The following UBE2V2 variants were observed in gnomAD, a reference collection of about 807,000 sequenced individuals.
UBE2V2 encodes ubiquitin conjugating enzyme E2 V2, also known as ubiquitin-conjugating enzyme E2 variant 2.
In UBE2V2, 9 loss-of-function variants were observed where a neutral mutation model predicts 17.2. That is an observed-to-expected ratio of 0.52 (90% CI 0.32 to 0.91). The LOEUF (loss-of-function observed/expected upper bound fraction) is 0.91, where lower values mean the gene tolerates loss of function less well. UBE2V2 is among the 40% of genes least tolerant of loss of function. The pLI is 0.04. For missense variants in UBE2V2, 133 were observed against 182.6 expected (o/e 0.73, Z 1.56); for synonymous variants, 61 against 57.5 (o/e 1.06, Z -0.28).
chr8:48,026,826 G>A (rs1039408593), intron 1 of UBE2V2, among the ~76,000 whole-genome samples: 1 of 152,074 alleles, frequency 6.6e-6, no homozygotes, highest in Admixed American at 6.6e-5. Context: ...TCATGTTGGT[G>A]GTGTTTTCCA....
chr8:48,029,965 TA>T (rs988548061), intron 1 of UBE2V2, among the ~76,000 whole-genome samples: 1 of 152,164 alleles, frequency 6.6e-6, no homozygotes, highest in African/African-American at 2.4e-5. Flanking sequence ...ACTTAGAAAT[TA>T]AAACTAGAGA....
chr8:48,020,897 C>T (rs1228970264), intron 1 of UBE2V2, among the ~76,000 whole-genome samples: 1 of 151,720 alleles, frequency 6.6e-6, no homozygotes, highest in Non-Finnish European at 1.5e-5. Context: ...GCCACGATGC[C>T]CAGCTAATTT....
rs1314735643 is a variant in UBE2V2 at position 48,062,175 on chromosome 8, G to GT, written c.*1347_*1348insT. ...TTTGATGAATTCACTGAAGAATATA[G>GT]AAAGGTGGTCAGGTAAAGTCTACTT... On this transcript the variant is annotated 3_prime_UTR_variant, in exon 4 of 4. Coordinates refer to ENST00000523111, the MANE Select transcript of UBE2V2 (RefSeq NM_003350.3). The GT allele has an allele frequency of 2.0e-5, 3 of 152,206 alleles. No homozygotes were observed. Among genetic ancestry groups the GT allele is most frequent in the Non-Finnish European group, 4.4e-5 (3 of 68,036 alleles). 9.4% of individuals were successfully genotyped at this position (152,206 alleles called of 1,614,324 possible).
chr8:48,059,478 G>A lies in UBE2V2; in HGVS notation c.292-1204G>A, dbSNP rs62542300. Among the ~76,000 whole-genome samples, 1,347 of 151,690 alleles carry A rather than the reference G, an allele frequency of 8.9e-3. 11 individuals are homozygous for A. Among genetic ancestry groups the A allele is most frequent in the Non-Finnish European group, 0.015 (1,018 of 67,882 alleles). On this transcript the variant is annotated intron_variant, in intron 3 of 3. Transcript: ENST00000523111. ...GGCTGGAGTGCAATGGCGTGGTCTC[G>A]GCTCACTGCAGCCTCCACCTCCCAG... is the stretch of plus-strand genomic sequence containing the variant.
intron 2 of UBE2V2, among the ~76,000 whole-genome samples, chr8:48,043,791 C>G (rs2091480106): frequency 6.6e-6 from 1 of 152,186 alleles, no homozygotes; most frequent in Admixed American, 6.5e-5. Flanking sequence ...TCAGCTTCTT[C>G]ATCTATAAAA....
chr8:48,027,635 G>A (rs948852068), intron 1 of UBE2V2, among the ~76,000 whole-genome samples: 10 of 152,080 alleles, frequency 6.6e-5, no homozygotes, highest in Admixed American at 3.9e-4. Context: ...GAGTAGCTGG[G>A]ACTGCAGGCA....
intron 2 of UBE2V2, among the ~76,000 whole-genome samples, chr8:48,044,752 G>A (rs1401876315): frequency 6.6e-6 from 1 of 152,076 alleles, no homozygotes; most frequent in Non-Finnish European, 1.5e-5. Flanking sequence ...TAAAAAAAGC[G>A]CTTATAATTG....
chr8:48,040,851 T>TG (rs1292328451), intron 1 of UBE2V2, among the ~76,000 whole-genome samples: 1 of 132,860 alleles, frequency 7.5e-6, no homozygotes, highest in East Asian at 2.2e-4. Flanking sequence ...TGGGTTTTTT[T>TG]TTTTTTTTTT....
intron 2 of UBE2V2, among the ~76,000 whole-genome samples, chr8:48,047,648 C>T (rs1440729696): frequency 6.6e-6 from 1 of 151,956 alleles, no homozygotes; most frequent in Non-Finnish European, 1.5e-5. Context: ...GTTGCCACCT[C>T]CCGAGTTCAG....
At chr8:48,017,586 T>C (rs193010976) in intron 1 of UBE2V2, among the ~76,000 whole-genome samples, 6 of 152,202 alleles carry the variant, frequency 3.9e-5, no homozygotes, top group Non-Finnish European at 8.8e-5. Flanking sequence ...TTGGTCAGGC[T>C]GGTAATAAAC....
chr8:48,028,564 C>T (rs1383328594), intron 1 of UBE2V2, among the ~76,000 whole-genome samples: 6 of 152,106 alleles, frequency 3.9e-5, no homozygotes, highest in African/African-American at 1.4e-4. Flanking sequence ...TCTCGAACTC[C>T]TGACCTCAGG....
intron 2 of UBE2V2, among the ~76,000 whole-genome samples, chr8:48,047,374 T>G (rs2091506867): frequency 6.6e-6 from 1 of 152,216 alleles, no homozygotes; most frequent in Non-Finnish European, 1.5e-5. Context: ...TTTTTCAAGT[T>G]TTCTCATATT....
intron 1 of UBE2V2, among the ~76,000 whole-genome samples, chr8:48,025,857 C>G (rs1335274278): frequency 6.6e-6 from 1 of 152,066 alleles, no homozygotes; most frequent in Non-Finnish European, 1.5e-5. Context: ...GCCTTGGTCT[C>G]CCAAAGTGCT....
At chr8:48,002,385 T>G in the UBE2V2 span, among the ~76,000 whole-genome samples, 1 of 152,214 alleles carries the variant, frequency 6.6e-6, no homozygotes, top group Non-Finnish European at 1.5e-5. Context: ...TGTTACAATG[T>G]GGGTGAACCT....
intron 1 of UBE2V2, 169 bp downstream of exon 1, chr8:48,008,639 G>C (rs1440650976): frequency 4.1e-6 from 4 of 970,078 alleles, no homozygotes; most frequent in Non-Finnish European, 5.3e-6. Context: ...CGGCGCCGAG[G>C]CCCCGGCGGC....
At position 48,064,635 on chromosome 8, in the gene UBE2V2, G is replaced by A. The variant is rs1358779133; in HGVS notation, c.*3807G>A. On this transcript the variant is annotated 3_prime_UTR_variant, in exon 4 of 4. Transcript: ENST00000523111. The stretch of plus-strand genomic sequence containing the variant: ...TTTTCTGAAGAGAAAATTAATGAAG[G>A]TATTTAATGATATAGGAAATAAGTG... The A allele has an allele frequency of 1.3e-5, 2 of 151,874 alleles. No individual in the cohort carries two copies. Among genetic ancestry groups the A allele is most frequent in the Non-Finnish European group, 1.5e-5 (1 of 67,984 alleles). The allele number at this position is 151,874 out of a possible 1,614,324, so 9.4% of individuals were successfully genotyped here.
chr8:48,037,201 A>C (rs1007221322), intron 1 of UBE2V2, among the ~76,000 whole-genome samples: 1 of 152,220 alleles, frequency 6.6e-6, no homozygotes, highest in Admixed American at 6.5e-5. Flanking sequence ...TATATAGGTT[A>C]TGAAGTTTTA....
intron 2 of UBE2V2, among the ~76,000 whole-genome samples, chr8:48,046,090 G>T (rs901249992): frequency 6.6e-6 from 1 of 152,130 alleles, no homozygotes; most frequent in Non-Finnish European, 1.5e-5. Context: ...GGGATTACAG[G>T]CATGTGCCAC....
upstream of UBE2V2, among the ~76,000 whole-genome samples, chr8:48,007,626 G>C (rs1341646219): frequency 1.4e-5 from 2 of 143,514 alleles, no homozygotes; most frequent in East Asian, 4.1e-4. Context: ...TGTTGTCCAA[G>C]CTGGTCTCAA....
Sources: allele counts gnomAD v4.1 joint callset (sites outside exome capture counted in the v4.1 genomes callset), GRCh38; gene constraint gnomAD v4.1.1; transcripts MANE v1.5; gene names NCBI Gene and HGNC (gene_info 2026-07-23, HGNC 2026-07-21).